Variants in SLC2A13 observed in about 807,000 individuals in gnomAD.
The protein encoded by SLC2A13 is solute carrier family 2 member 13, also known as proton myo-inositol cotransporter.
Under a neutral mutation model 64.4 loss-of-function variants are expected in SLC2A13, and 32 were observed. The ratio of observed to expected loss-of-function variants is 0.50; its 90% confidence interval spans 0.37 to 0.67. The LOEUF is 0.67. SLC2A13 is among the 30% of genes least tolerant of loss of function. The probability of loss-of-function intolerance (pLI) is 0.00; values close to 1 mark genes in which losing one functional copy is unlikely to be tolerated. For missense variants in SLC2A13, 743 were observed against 829.2 expected, an observed-to-expected ratio of 0.90 and a Z score of 1.28; for synonymous variants, 338 against 327.1, an observed-to-expected ratio of 1.03 and a Z score of -0.36.
At chr12:40,053,451 T>G (rs755333955) in intron 1 of SLC2A13, among the ~76,000 whole-genome samples, 5 of 152,122 alleles carry the variant, frequency 3.3e-5, no homozygotes, top group Non-Finnish European at 7.4e-5. Context: ...ATCTAGGTCC[T>G]CTAACCTTTG....
chr12:39,806,114 A>G (rs1032283304), intron 7 of SLC2A13, among the ~76,000 whole-genome samples: 11 of 152,222 alleles, frequency 7.2e-5, no homozygotes, highest in Non-Finnish European at 1.6e-4. Context: ...GTATACAAAT[A>G]TATGCAAGTT....
intron 6 of SLC2A13, among the ~76,000 whole-genome samples, chr12:39,835,229 T>G (rs888217955): frequency 6.6e-6 from 1 of 152,176 alleles, no homozygotes; most frequent in African/African-American, 2.4e-5. Context: ...CTTCAAAGTT[T>G]TCTATCTCAA....
At chr12:39,830,470 G>T (rs1234714677) in intron 6 of SLC2A13, 5 of 1,212,762 alleles carry the variant, frequency 4.1e-6, no homozygotes, top group East Asian at 8.0e-5. Context: ...AGGAGGCTTG[G>T]ATCTGAGAGA....
At chr12:40,030,190 T>G (rs556141) in intron 2 of SLC2A13, among the ~76,000 whole-genome samples, 111,149 of 151,976 alleles carry the variant, frequency 0.73, 40,741 homozygotes, top group East Asian at 0.85. Flanking sequence ...ATTTACTTGC[T>G]CAGTAATTCC....
At chr12:39,936,101 T>A (rs955068389) in intron 4 of SLC2A13, among the ~76,000 whole-genome samples, 12 of 152,212 alleles carry the variant, frequency 7.9e-5, no homozygotes, top group African/African-American at 2.9e-4. Flanking sequence ...AGATGAGACA[T>A]AATTGATTTT....
intron 3 of SLC2A13, among the ~76,000 whole-genome samples, chr12:39,953,753 T>C (rs911009816): frequency 6.6e-6 from 1 of 152,108 alleles, no homozygotes; most frequent in Admixed American, 6.6e-5. Flanking sequence ...ATATAACCCA[T>C]AGTAAAGCAG....
intron 7 of SLC2A13, among the ~76,000 whole-genome samples, chr12:39,784,900 G>C (rs915128347): frequency 2.0e-5 from 3 of 152,188 alleles, no homozygotes; most frequent in African/African-American, 7.2e-5. Flanking sequence ...TGAGAGAGAT[G>C]ATTTAGGGTA....
In SLC2A13 at chr12:39,803,184, G is replaced by T. The variant is rs562127625; in HGVS notation, c.1445+26919C>A. Among the ~76,000 whole-genome samples the T allele has an allele frequency of 2.5e-4, 36 of 141,886 alleles. 1 individual carries two copies. The highest frequency in any genetic ancestry group is 9.3e-4 in the African/African-American group (35 of 37,504). 93.1% of individuals were successfully genotyped at this position (141,886 alleles called of 152,430 possible). A position where few individuals can be genotyped will look rare whatever the true frequency, so the allele number is the denominator to read the frequency against. ...CCTATTGGTTGGTGATAGCCCTGTG[G>T]CATCTAAAAGAAGCAAATGCAAAAA... On this transcript the variant is annotated intron_variant, in intron 7 of 9. Transcript: ENST00000280871.
At chr12:40,009,493 G>A (rs1222779223) in intron 3 of SLC2A13, among the ~76,000 whole-genome samples, 1 of 152,118 alleles carries the variant, frequency 6.6e-6, no homozygotes, top group East Asian at 1.9e-4. Context: ...CAGTGGCAAT[G>A]GTCATGGCTC....
intron 7 of SLC2A13, among the ~76,000 whole-genome samples, chr12:39,796,422 T>TAAA (rs10545679): frequency 8.5e-6 from 1 of 117,616 alleles, no homozygotes; most frequent in African/African-American, 3.2e-5. Context: ...GGACCCATCT[T>TAAA]AAAAAAAAAA....
At position 39,970,451 on chromosome 12, in the gene SLC2A13, C is replaced by T. The variant is rs551998233; in HGVS notation, c.926-19086G>A. ...TCGCATTTCATATCCTTAGATGATTCTTTTTTAATACACTCATTGGTACCT... is the reference window on the plus strand; with the variant it reads ...TCGCATTTCATATCCTTAGATGATTTTTTTTTAATACACTCATTGGTACCT... On this transcript the variant is annotated intron_variant, in intron 3 of 9. Coordinates refer to ENST00000280871, the MANE Select transcript of SLC2A13 (RefSeq NM_052885.4). 1.1e-4 allele frequency among the ~76,000 whole-genome samples: 17 copies of T among 152,222 alleles called. No homozygotes were observed. In the South Asian group the frequency reaches 3.1e-3, roughly 28 times the overall value.
intron 6 of SLC2A13, among the ~76,000 whole-genome samples, chr12:39,841,392 C>T (rs1467155057): frequency 6.6e-6 from 1 of 152,024 alleles, no homozygotes; most frequent in East Asian, 1.9e-4. Context: ...CCAATGAACT[C>T]TCTAATGGAG....
At chr12:39,882,833 T>A (rs1013854952) in intron 4 of SLC2A13, among the ~76,000 whole-genome samples, 1 of 152,202 alleles carries the variant, frequency 6.6e-6, no homozygotes, top group Non-Finnish European at 1.5e-5. Context: ...TATCTATACC[T>A]CTTTTAGTAA....
At position 40,028,771 on chromosome 12, in the gene SLC2A13, A is replaced by G. The variant is rs530071; in HGVS notation, c.717-262T>C. 1.4e-3 allele frequency among the ~76,000 whole-genome samples: 213 copies of G among 152,380 alleles called. 1 individual carries two copies. Among genetic ancestry groups the G allele is most frequent in the African/African-American group, 4.9e-3 (203 of 41,596 alleles). ...AAAAGAATGAGCAAAAGCTACAGTC[A>G]TTATGTATACACATTCTAACCCAAA... On this transcript the variant is annotated intron_variant, in intron 2 of 9. Coordinates refer to ENST00000280871, the MANE Select transcript of SLC2A13 (RefSeq NM_052885.4).
At chr12:39,978,675 C>T (rs1946817230) in intron 3 of SLC2A13, among the ~76,000 whole-genome samples, 1 of 152,262 alleles carries the variant, frequency 6.6e-6, no homozygotes, top group Non-Finnish European at 1.5e-5. Context: ...GGGTCCTACG[C>T]CCACGGAATC....
At chr12:39,998,541 G>A (rs1374390129) in intron 3 of SLC2A13, among the ~76,000 whole-genome samples, 1 of 152,224 alleles carries the variant, frequency 6.6e-6, no homozygotes, top group East Asian at 1.9e-4. Context: ...CTGTCTCACT[G>A]CATTTCAGAC....
chr12:39,896,465 T>C lies in SLC2A13; in HGVS notation c.1035-24504A>G, dbSNP rs144973816. 2.1e-3 allele frequency among the ~76,000 whole-genome samples: 298 copies of C among 141,418 alleles called. 8 individuals carry two copies. Among genetic ancestry groups the C allele is most frequent in the African/African-American group, 3.4e-3 (131 of 37,982 alleles). 92.8% of individuals were successfully genotyped at this position (141,418 alleles called of 152,430 possible). A position where few individuals can be genotyped will look rare whatever the true frequency, so the allele number is the denominator to read the frequency against. On this transcript the variant is annotated intron_variant, in intron 4 of 9. Coordinates refer to ENST00000280871, the MANE Select transcript of SLC2A13 (RefSeq NM_052885.4). ...ATATGTATATGTGTGTATATATGTA[T>C]ACATATATGTATATGTGTATATATG... is the stretch of plus-strand genomic sequence containing the variant.
At chr12:39,870,863 G>A (rs1310261077) in intron 5 of SLC2A13, among the ~76,000 whole-genome samples, 1 of 152,126 alleles carries the variant, frequency 6.6e-6, no homozygotes. Context: ...AACTGGGTTT[G>A]GAACTTAGAA....
intron 3 of SLC2A13, among the ~76,000 whole-genome samples, chr12:40,015,516 T>C (rs1020514241): frequency 2.0e-5 from 3 of 152,160 alleles, no homozygotes; most frequent in Non-Finnish European, 4.4e-5. Context: ...CAAATGTATG[T>C]CTGGGTTTCC....
Sources: gnomAD v4.1 joint callset for allele counts (sites outside exome capture counted in the v4.1 genomes callset) on GRCh38, gnomAD v4.1.1 for gene constraint, MANE v1.5 for transcripts, NCBI Gene and HGNC (gene_info 2026-07-23, HGNC 2026-07-21) for gene names.